Variants in PROS1 observed in about 807,000 individuals in gnomAD.
PROS1 encodes the protein vitamin K-dependent protein S.
Under a neutral mutation model 75.9 loss-of-function variants are expected in PROS1, and 29 were observed. The observed-to-expected ratio is 0.38, with a 90% CI of 0.28 to 0.52. The LOEUF (loss-of-function observed/expected upper bound fraction) is 0.52. PROS1 is among the 20% of genes least tolerant of loss of function. The probability of loss-of-function intolerance (pLI) is 0.83; values close to 1 mark genes in which losing one functional copy is unlikely to be tolerated. For synonymous variants in PROS1, 245 were observed against 280.6 expected, an observed-to-expected ratio of 0.87 and a Z score of 1.27; for missense variants, 680 against 810.3, an observed-to-expected ratio of 0.84 and a Z score of 1.95.
chr3:93,931,321 T>C (rs1559942485), intron 1 of PROS1, among the ~76,000 whole-genome samples: 1 of 152,200 alleles, frequency 6.6e-6, no homozygotes. Flanking sequence ...CTTTTTTCAT[T>C]TACATATTTT....
rs1258852037 is a variant in PROS1, at chr3:93,957,618, G to A, written c.76+16056C>T. ...AAGTGATGGATATGCTAATTTGCAC[G>A]ATTTGATCGTTTCACAATGTATAAA... On this transcript the variant is annotated intron_variant, in intron 1 of 14. Transcript: ENST00000394236. 8.5e-5 allele frequency among the ~76,000 whole-genome samples: 13 copies of A among 152,200 alleles called. No homozygotes were observed. In the East Asian group the frequency reaches 1.2e-3, roughly 14 times the overall value.
At chr3:93,881,323 AAAAC>A (rs943435780) in intron 12 of PROS1, among the ~76,000 whole-genome samples, 2 of 152,098 alleles carry the variant, frequency 1.3e-5, no homozygotes, top group East Asian at 1.9e-4. Context: ...CCCTGTCTCA[AAAAC>A]AAACAAACAA....
intron 1 of PROS1, among the ~76,000 whole-genome samples, chr3:93,965,222 C>A (rs1202035406): frequency 6.6e-6 from 1 of 152,184 alleles, no homozygotes. Context: ...CTTGCAACTG[C>A]CCTCTTCTGG....
chr3:93,915,657 T>G (rs1708835118), intron 3 of PROS1, among the ~76,000 whole-genome samples: 1 of 152,200 alleles, frequency 6.6e-6, no homozygotes, highest in Non-Finnish European at 1.5e-5. Flanking sequence ...TTCCAGTGCT[T>G]TGTTTCTCAT....
chr3:93,970,162 G>A (rs1342452525), intron 1 of PROS1, among the ~76,000 whole-genome samples: 1 of 152,036 alleles, frequency 6.6e-6, no homozygotes, highest in Non-Finnish European at 1.5e-5. Context: ...GAAAGAAGAG[G>A]GTACAAAAGA....
At chr3:93,887,073 T>C (rs1354687792) in intron 10 of PROS1, among the ~76,000 whole-genome samples, 8 of 151,574 alleles carry the variant, frequency 5.3e-5, no homozygotes, top group East Asian at 1.9e-4. Context: ...CGCCCGCCAC[T>C]GCGCCCGGCT....
At chr3:93,967,076 T>A (rs768775974) in intron 1 of PROS1, among the ~76,000 whole-genome samples, 2 of 152,226 alleles carry the variant, frequency 1.3e-5, no homozygotes, top group Non-Finnish European at 2.9e-5. Context: ...GTGGCAAGGA[T>A]GGAGGCTACA....
At chr3:93,909,463 G>C (rs1045567052) in intron 4 of PROS1, among the ~76,000 whole-genome samples, 1 of 144,716 alleles carries the variant, frequency 6.9e-6, no homozygotes, top group African/African-American at 2.5e-5. Context: ...AAACGTACAA[G>C]TAAAGATCAA....
At chr3:93,914,236 T>G (rs549443300) in intron 3 of PROS1, among the ~76,000 whole-genome samples, 37 of 152,334 alleles carry the variant, frequency 2.4e-4, no homozygotes, top group Non-Finnish European at 1.2e-4. Context: ...TGGTGGGGGC[T>G]CACTATAGTG....
chr3:93,908,327 C>A (rs995133308), intron 4 of PROS1, among the ~76,000 whole-genome samples: 2 of 152,144 alleles, frequency 1.3e-5, no homozygotes, highest in Non-Finnish European at 2.9e-5. Flanking sequence ...CTGAGACCTA[C>A]AATTGGACCA....
chr3:93,919,199 T>C (rs1708907274), intron 3 of PROS1, among the ~76,000 whole-genome samples: 1 of 152,174 alleles, frequency 6.6e-6, no homozygotes, highest in African/African-American at 2.4e-5. Flanking sequence ...TACCCAGTGG[T>C]GGAATTGTGT....
chr3:93,914,067 C>G (rs931553577), intron 3 of PROS1, among the ~76,000 whole-genome samples: 5 of 152,262 alleles, frequency 3.3e-5, no homozygotes, highest in African/African-American at 1.2e-4. Flanking sequence ...TCTTGGCCAG[C>G]CCATCCCTAT....
At chr3:93,973,125 C>T (rs1457401428) in intron 1 of PROS1, among the ~76,000 whole-genome samples, 1 of 152,034 alleles carries the variant, frequency 6.6e-6, no homozygotes, top group African/African-American at 2.4e-5. Context: ...TTTAACAGTC[C>T]TTTTGATTTC....
intron 14 of PROS1, among the ~76,000 whole-genome samples, chr3:93,876,326 C>T (rs1559927168): frequency 6.6e-6 from 1 of 152,134 alleles, no homozygotes; most frequent in African/African-American, 2.4e-5. Flanking sequence ...TCACTGCTCA[C>T]GCCTGTAATC....
chr3:93,891,999 T>C (rs1708437544), intron 10 of PROS1, among the ~76,000 whole-genome samples: 1 of 152,142 alleles, frequency 6.6e-6, no homozygotes, highest in African/African-American at 2.4e-5. Flanking sequence ...TTGTTGGCAA[T>C]TGAGGAGTTT....
At chr3:93,899,926 G>T (rs763053008) in intron 7 of PROS1, among the ~76,000 whole-genome samples, 1 of 152,078 alleles carries the variant, frequency 6.6e-6, no homozygotes, top group East Asian at 1.9e-4. Context: ...ATGGTTAAAA[G>T]AGTACATTAA....
chr3:93,967,952 A>C (rs1217597538), intron 1 of PROS1: 1 of 152,232 alleles, frequency 6.6e-6, no homozygotes, highest in Non-Finnish European at 1.5e-5. Flanking sequence ...GTGGGTTATC[A>C]GAACTTGTTA....
At chr3:93,942,995 T>G (rs528336985) in intron 1 of PROS1, among the ~76,000 whole-genome samples, 1 of 152,276 alleles carries the variant, frequency 6.6e-6, no homozygotes, top group East Asian at 1.9e-4. Flanking sequence ...GGCCTTTCCC[T>G]CAGGGTCTGA....
rs552578445 is a variant in PROS1 at position 93,962,112 on chromosome 3, G to A, written c.76+11562C>T. On this transcript the variant is annotated intron_variant, in intron 1 of 14. Transcript: ENST00000394236. The stretch of plus-strand genomic sequence containing the variant: ...CATGCTGGTGGGAGGGACAGCAATG[G>A]AAATGAGCCCCCAGATTTCAAGTGG... 3.9e-5 allele frequency among the ~76,000 whole-genome samples: 6 copies of A among 152,192 alleles called. No homozygotes were observed. In the South Asian group the frequency reaches 1.2e-3, roughly 32 times the overall value.
Sources: allele counts gnomAD v4.1 joint callset (sites outside exome capture counted in the v4.1 genomes callset), GRCh38; gene constraint gnomAD v4.1.1; transcripts MANE v1.5; gene names NCBI Gene and HGNC (gene_info 2026-07-23, HGNC 2026-07-21).